The following SGCD variants were observed in gnomAD, a reference collection of about 807,000 sequenced individuals.
SGCD encodes sarcoglycan delta.
Under a neutral mutation model 36.6 loss-of-function variants are expected in SGCD, and 18 were observed. The ratio of observed to expected loss-of-function variants is 0.49; its 90% CI spans 0.34 to 0.73. The LOEUF (loss-of-function observed/expected upper bound fraction) is 0.73, where lower values mean the gene tolerates loss of function less well. Ranked by LOEUF, SGCD falls within the 30% of genes least tolerant of loss-of-function variation. The probability of loss-of-function intolerance (pLI) is 0.01; values close to 1 mark genes in which losing one functional copy is unlikely to be tolerated. For missense variants in SGCD, 387 were observed against 346.7 expected (o/e 1.12, Z -0.92); for synonymous variants, 133 against 130.6 (o/e 1.02, Z -0.12).
intron 6 of SGCD, among the ~76,000 whole-genome samples, chr5:156,644,040 AC>A (rs1249640141): frequency 6.6e-6 from 1 of 152,204 alleles, no homozygotes; most frequent in Admixed American, 6.5e-5. Context: ...GAAAAAATTT[AC>A]CAAAGCAAAC....
chr5:155,999,640 T>C (rs938296476), intron 1 of SGCD, among the ~76,000 whole-genome samples: 6 of 152,174 alleles, frequency 3.9e-5, no homozygotes, highest in Admixed American at 3.9e-4. Context: ...GAGCTTAACT[T>C]CAAAGCAGTG....
At chr5:156,133,424 T>C (rs1467908894) in intron 3 of SGCD, among the ~76,000 whole-genome samples, 1 of 152,230 alleles carries the variant, frequency 6.6e-6, no homozygotes, top group Non-Finnish European at 1.5e-5. Flanking sequence ...TATTCTTTTC[T>C]TCCTACTTCC....
intron 3 of SGCD, among the ~76,000 whole-genome samples, chr5:156,195,845 A>G (rs566057818): frequency 9.2e-5 from 14 of 152,292 alleles, no homozygotes; most frequent in Admixed American, 3.9e-4. Flanking sequence ...TAGCCTATCA[A>G]CTGTAGCTCA....
chr5:155,790,580 C>T, the SGCD span, among the ~76,000 whole-genome samples: 1 of 152,074 alleles, frequency 6.6e-6, no homozygotes, highest in East Asian at 1.9e-4. Flanking sequence ...TCTAAATATA[C>T]AGATTTTAAA....
chr5:156,589,174 T>A, intron 4 of SGCD, 57 bp from the exon 5 acceptor site: 6 of 1,273,348 alleles, frequency 4.7e-6, no homozygotes, highest in African/African-American at 1.5e-5. Context: ...GTAATGACAG[T>A]TCTTTTTGTT....
chr5:155,858,717 G>A, the SGCD span, among the ~76,000 whole-genome samples: 1 of 152,174 alleles, frequency 6.6e-6, no homozygotes, highest in East Asian at 1.9e-4. Context: ...CTTCTCATTG[G>A]AGGAGAAGTT....
At chr5:156,657,205 GATAA>G (rs1006364087) in intron 7 of SGCD, among the ~76,000 whole-genome samples, 43 of 151,352 alleles carry the variant, frequency 2.8e-4, no homozygotes, top group African/African-American at 9.4e-4. Flanking sequence ...CAAAATATTG[GATAA>G]ATAGTCTGAC....
In SGCD at chr5:156,444,375, C is replaced by T. The variant is rs181891779; in HGVS notation, c.193-64226C>T. On this transcript the variant is annotated intron_variant, in intron 3 of 8. Transcript: ENST00000337851. ...ATATTTCTATCCTTTGGGATAGACA[C>T]GGTGCCTCTGCTAAAATGCTTAGCT... is the stretch of plus-strand genomic sequence containing the variant. Among the ~76,000 whole-genome samples, 9 of 152,168 alleles carry T rather than the reference C, an allele frequency of 5.9e-5. No homozygotes were observed. The East Asian group carries it at 9.7e-4, about 16-fold the overall frequency.
intron 3 of SGCD, among the ~76,000 whole-genome samples, chr5:156,473,179 G>A (rs886976226): frequency 1.1e-4 from 17 of 152,102 alleles, no homozygotes; most frequent in African/African-American, 3.4e-4. Flanking sequence ...CTTACCACCT[G>A]TACTTAATGA....
intron 4 of SGCD, among the ~76,000 whole-genome samples, chr5:156,540,446 A>G (rs1758306743): frequency 6.6e-6 from 1 of 152,090 alleles, no homozygotes; most frequent in South Asian, 2.1e-4. Flanking sequence ...CAATGCTGGG[A>G]ACTAACAAGG....
chr5:156,647,261 AAG>A (rs1406943145), intron 6 of SGCD, among the ~76,000 whole-genome samples: 1 of 152,172 alleles, frequency 6.6e-6, no homozygotes, highest in Non-Finnish European at 1.5e-5. Context: ...ATGCTTTCAA[AAG>A]AAGTTCCTTG....
At chr5:156,199,991 C>A (rs778847529) in intron 3 of SGCD, among the ~76,000 whole-genome samples, 12 of 152,032 alleles carry the variant, frequency 7.9e-5, no homozygotes, top group Non-Finnish European at 1.3e-4. Context: ...ACTAAAGGCC[C>A]TGTTAACATA....
chr5:156,624,132 A>G (rs1762356097), intron 6 of SGCD, among the ~76,000 whole-genome samples: 1 of 152,204 alleles, frequency 6.6e-6, no homozygotes, highest in Non-Finnish European at 1.5e-5. Flanking sequence ...CAGAGAATTA[A>G]TTGCAGACAC....
chr5:156,535,351 C>T (rs928452687), intron 4 of SGCD, among the ~76,000 whole-genome samples: 11 of 152,290 alleles, frequency 7.2e-5, no homozygotes, highest in Admixed American at 3.3e-4. Context: ...AATTAAAAAG[C>T]TTACAAATGT....
At position 156,759,537 on chromosome 5, in the gene SGCD, C is replaced by T. The variant is rs1213884365; in HGVS notation, c.*147C>T. On this transcript the variant is annotated 3_prime_UTR_variant, in exon 9 of 9. Coordinates refer to ENST00000337851, the MANE Select transcript of SGCD (RefSeq NM_000337.6). ...GTGTGTGTGCGTGCTTGAGTGTGTT[C>T]GCGTGTGTGGGTGGATATAAATATA... is the stretch of plus-strand genomic sequence containing the variant. The T allele has an allele frequency of 1.3e-5, 5 of 381,002 alleles. No homozygotes were observed. Among genetic ancestry groups the T allele is most frequent in the East Asian group, 7.8e-5 (2 of 25,590 alleles). 23.6% of individuals were successfully genotyped at this position (381,002 alleles called of 1,614,324 possible). A position where few individuals can be genotyped will look rare whatever the true frequency, so the allele number is the denominator to read the frequency against.
chr5:156,684,333 G>A (rs1753829761), intron 7 of SGCD, among the ~76,000 whole-genome samples: 1 of 152,136 alleles, frequency 6.6e-6, no homozygotes, highest in African/African-American at 2.4e-5. Context: ...AGCAGCATGA[G>A]CTCCTCCCAG....
chr5:156,503,196 G>C (rs1407517601), intron 3 of SGCD, among the ~76,000 whole-genome samples: 2 of 152,088 alleles, frequency 1.3e-5, no homozygotes, highest in Non-Finnish European at 2.9e-5. Flanking sequence ...TTTTTATTTG[G>C]CTGGGTACCT....
chr5:156,342,287 G>T (rs1485219372), intron 2 of SGCD, among the ~76,000 whole-genome samples: 3 of 152,170 alleles, frequency 2.0e-5, no homozygotes, highest in Non-Finnish European at 4.4e-5. Flanking sequence ...ACCAGCTTCT[G>T]CACACTTATT....
chr5:156,188,899 C>T (rs996499711), intron 3 of SGCD, among the ~76,000 whole-genome samples: 4 of 152,162 alleles, frequency 2.6e-5, no homozygotes, highest in African/African-American at 9.7e-5. Flanking sequence ...TTCCTCTTCT[C>T]CCCAACCCTA....
Sources: gnomAD v4.1 joint callset for allele counts (sites outside exome capture counted in the v4.1 genomes callset) on GRCh38, gnomAD v4.1.1 for gene constraint, MANE v1.5 for transcripts, NCBI Gene and HGNC (gene_info 2026-07-23, HGNC 2026-07-21) for gene names.